Variants in DLGAP2 observed in about 807,000 individuals in gnomAD.
The protein encoded by DLGAP2 is disks large-associated protein 2.
In DLGAP2, 26 loss-of-function variants were observed where a neutral mutation model predicts 100.3. That is an observed-to-expected ratio of 0.26 (90% CI 0.19 to 0.36). The LOEUF (loss-of-function observed/expected upper bound fraction) is 0.36. DLGAP2 is among the 10% of genes least tolerant of loss of function. The pLI is 1.00. For missense variants in DLGAP2, 1,858 were observed against 1,453.2 expected (o/e 1.28, Z -4.53); for synonymous variants, 886 against 630.1 (o/e 1.41, Z -6.08).
chr8:1,234,530 A>G (rs1260850007), intron 2 of DLGAP2, among the ~76,000 whole-genome samples: 4 of 152,140 alleles, frequency 2.6e-5, no homozygotes, highest in African/African-American at 4.8e-5. Flanking sequence ...TACAGCAACA[A>G]TGACCCTATT....
rs747469190 is a variant in DLGAP2, at chr8:1,658,491, G to T, written c.1811-9838G>T. On this transcript the variant is annotated intron_variant, in intron 8 of 14. Coordinates refer to ENST00000637795, the MANE Select transcript of DLGAP2 (RefSeq NM_001346810.2). ...TCTGGTCCTGGGCTTTTTTTGGTTG[G>T]TAGGCTATTAATTACTGCCTATTTC... 4.6e-5 allele frequency among the ~76,000 whole-genome samples: 7 copies of T among 152,120 alleles called. No individual in the cohort carries two copies. In the South Asian group the frequency reaches 8.3e-4, roughly 18 times the overall value.
chr8:1,677,608 C>A (rs1346015742), intron 11 of DLGAP2, among the ~76,000 whole-genome samples: 2 of 152,224 alleles, frequency 1.3e-5, no homozygotes, highest in Admixed American at 1.3e-4. Flanking sequence ...GCATACTGGT[C>A]TCCAACTGTA....
intron 1 of DLGAP2, among the ~76,000 whole-genome samples, chr8:864,397 T>C (rs974364632): frequency 4.6e-5 from 7 of 152,160 alleles, no homozygotes; most frequent in African/African-American, 1.7e-4. Context: ...ACACCCTAAT[T>C]TGTCCATTGC....
chr8:1,426,831 T>C (rs953144561), intron 3 of DLGAP2, among the ~76,000 whole-genome samples: 4 of 152,192 alleles, frequency 2.6e-5, no homozygotes, highest in African/African-American at 9.6e-5. Context: ...AAAAAATTAG[T>C]GTCAGATATA....
intron 3 of DLGAP2, among the ~76,000 whole-genome samples, chr8:1,287,458 A>G (rs113221314): frequency 1.1e-5 from 1 of 90,144 alleles, no homozygotes; most frequent in Non-Finnish European, 2.0e-5. Flanking sequence ...GAGGGGAACT[A>G]GTTTCGGTTC....
chr8:1,569,817 C>G (rs1044740254), intron 6 of DLGAP2, among the ~76,000 whole-genome samples: 1 of 152,002 alleles, frequency 6.6e-6, no homozygotes, highest in Non-Finnish European at 1.5e-5. Context: ...CAGGGTAGAT[C>G]TTCACCCTGT....
At chr8:794,255 G>T (rs899098426) in intron 1 of DLGAP2, among the ~76,000 whole-genome samples, 1 of 151,988 alleles carries the variant, frequency 6.6e-6, no homozygotes, top group Non-Finnish European at 1.5e-5. Context: ...GTCGGGATGA[G>T]CTGTTTGCTG....
At chr8:1,626,519 ACCCTGCAGCAGGTGCTCAGCC>A (rs1797503658) in intron 6 of DLGAP2, among the ~76,000 whole-genome samples, 200 bp from the exon 7 acceptor site, 2 of 66,328 alleles carry the variant, frequency 3.0e-5, no homozygotes, top group South Asian at 5.7e-4. Context: ...TCCCATCTCT[ACCCTGCAGCAGGTGCTCAGCC>A]TCTGGGTGTG....
chr8:1,019,533 C>G (rs953224395), intron 2 of DLGAP2: 2 of 151,524 alleles, frequency 1.3e-5, no homozygotes, highest in African/African-American at 2.4e-5. Context: ...AGGGGCAGAG[C>G]GACTTCACCG....
At position 1,484,443 on chromosome 8, in the gene DLGAP2, T is replaced by C. The variant is rs546620586; in HGVS notation, c.107-16923T>C. Among the ~76,000 whole-genome samples, 10 of 152,386 alleles carry C rather than the reference T, an allele frequency of 6.6e-5. No individual in the cohort carries two copies. In the East Asian group the frequency reaches 1.5e-3, roughly 24 times the overall value. On this transcript the variant is annotated intron_variant, in intron 3 of 14. Coordinates refer to ENST00000637795, the MANE Select transcript of DLGAP2 (RefSeq NM_001346810.2). Reference sequence around the variant, plus strand: ...AAAGGGAAATTGGAAACCTTCTGGCTTAGGCCTGCGACTGGACGGCTCTGC... The same window carrying C: ...AAAGGGAAATTGGAAACCTTCTGGCCTAGGCCTGCGACTGGACGGCTCTGC...
At chr8:1,566,235 T>C (rs1443340237) in intron 6 of DLGAP2, among the ~76,000 whole-genome samples, 2 of 152,166 alleles carry the variant, frequency 1.3e-5, no homozygotes, top group Non-Finnish European at 2.9e-5. Context: ...TGGGTGTGTG[T>C]TTGAATGTCT....
intron 3 of DLGAP2, among the ~76,000 whole-genome samples, chr8:1,474,033 C>G (rs1798869774): frequency 1.3e-5 from 2 of 151,988 alleles, no homozygotes; most frequent in Admixed American, 1.3e-4. Flanking sequence ...GTCTTTTATC[C>G]TTCACCCCTT....
intron 3 of DLGAP2, among the ~76,000 whole-genome samples, chr8:1,342,435 C>T (rs915001611): frequency 4.6e-5 from 7 of 152,152 alleles, no homozygotes; most frequent in African/African-American, 1.2e-4. Context: ...AGTGTTGACC[C>T]ACTCTGTTGT....
chr8:1,363,591 C>A (rs917651987), intron 3 of DLGAP2, among the ~76,000 whole-genome samples: 4 of 152,238 alleles, frequency 2.6e-5, no homozygotes, highest in African/African-American at 7.2e-5. Context: ...TGTCTTCTCA[C>A]AGCCCTGTCA....
At chr8:923,020 T>G (rs1319320856) in intron 2 of DLGAP2, among the ~76,000 whole-genome samples, 1 of 152,112 alleles carries the variant, frequency 6.6e-6, no homozygotes. Flanking sequence ...CATTACTCTG[T>G]ATCACACTCG....
At chr8:1,516,454 A>AGTGG (rs1554489099) in intron 4 of DLGAP2, among the ~76,000 whole-genome samples, 1 of 150,512 alleles carries the variant, frequency 6.6e-6, no homozygotes, top group South Asian at 2.1e-4. Context: ...GGAAAGAGTG[A>AGTGG]CTGAGTGAAT....
intron 1 of DLGAP2, among the ~76,000 whole-genome samples, chr8:744,706 G>A (rs775585509): frequency 6.6e-6 from 1 of 151,992 alleles, no homozygotes; most frequent in East Asian, 1.9e-4. Flanking sequence ...CGGGGTGCTG[G>A]CTGTCTGCTT....
intron 2 of DLGAP2, among the ~76,000 whole-genome samples, chr8:918,805 G>C (rs2129000983): frequency 6.6e-6 from 1 of 152,308 alleles, no homozygotes; most frequent in South Asian, 2.1e-4. Context: ...TTGAATTGAA[G>C]ACAAACTGAT....
rs143701817 is a variant in DLGAP2, at chr8:1,108,302, G to A, written c.74-150549G>A. 9.6e-4 allele frequency among the ~76,000 whole-genome samples: 146 copies of A among 152,308 alleles called. No homozygotes were observed. The East Asian group carries it at 0.025, about 26-fold the overall frequency. ...TCTATGGGGAAATGAAAAGAAGACA[G>A]TGCAGTCAATTTCTGAAAGTTAACC... On this transcript the variant is annotated intron_variant, in intron 2 of 14. Transcript: ENST00000637795.
Sources: gnomAD v4.1 joint callset for allele counts (sites outside exome capture counted in the v4.1 genomes callset) on GRCh38, gnomAD v4.1.1 for gene constraint, MANE v1.5 for transcripts, NCBI Gene and HGNC (gene_info 2026-07-23, HGNC 2026-07-21) for gene names.